NXPH1: variants seen among roughly 807,000 people sequenced by gnomAD.
NXPH1 encodes neurexophilin-1.
Under a neutral mutation model 23.7 loss-of-function variants are expected in NXPH1, and 5 were observed. The observed-to-expected ratio is 0.21, with a 90% CI of 0.11 to 0.44. The LOEUF (loss-of-function observed/expected upper bound fraction) is 0.44, where lower values mean the gene tolerates loss of function less well. NXPH1 is among the 20% of genes least tolerant of loss of function. The pLI is 0.99. For missense variants in NXPH1, 324 were observed against 321.6 expected, an observed-to-expected ratio of 1.01 and a Z score of -0.06; for synonymous variants, 144 against 122.2, an observed-to-expected ratio of 1.18 and a Z score of -1.18.
At chr7:8,465,613 G>A (rs762024171) in intron 2 of NXPH1, among the ~76,000 whole-genome samples, 1 of 152,182 alleles carries the variant, frequency 6.6e-6, no homozygotes, top group Non-Finnish European at 1.5e-5. Context: ...TTTCACGGTC[G>A]CTTTCCAGCT....
At chr7:8,550,981 A>G (rs1818267698) in intron 2 of NXPH1, among the ~76,000 whole-genome samples, 1 of 151,414 alleles carries the variant, frequency 6.6e-6, no homozygotes, top group Admixed American at 6.6e-5. Flanking sequence ...TATTTTTAGG[A>G]TAGTCTTTCT....
At chr7:8,607,244 G>T (rs1193384499) in intron 2 of NXPH1, among the ~76,000 whole-genome samples, 1 of 152,100 alleles carries the variant, frequency 6.6e-6, no homozygotes, top group African/African-American at 2.4e-5. Context: ...ATATATTATT[G>T]CTTAAATAGG....
chr7:8,747,972 T>C (rs1780499597), intron 2 of NXPH1, among the ~76,000 whole-genome samples: 1 of 152,226 alleles, frequency 6.6e-6, no homozygotes. Flanking sequence ...ACTCTGGAGC[T>C]GCTAAGGATA....
At chr7:8,521,641 A>G (rs1817773243) in intron 2 of NXPH1, among the ~76,000 whole-genome samples, 1 of 152,190 alleles carries the variant, frequency 6.6e-6, no homozygotes, top group Non-Finnish European at 1.5e-5. Flanking sequence ...TGAGAAATAC[A>G]CTTTTGAAGG....
chr7:8,593,348 TA>T (rs1291044500), intron 2 of NXPH1, among the ~76,000 whole-genome samples: 1 of 151,888 alleles, frequency 6.6e-6, no homozygotes, highest in Non-Finnish European at 1.5e-5. Context: ...TTTAGCTTTT[TA>T]AAGCAGGGCC....
At chr7:8,577,081 A>G (rs1224696651) in intron 2 of NXPH1, among the ~76,000 whole-genome samples, 1 of 152,150 alleles carries the variant, frequency 6.6e-6, no homozygotes, top group East Asian at 1.9e-4. Context: ...TAATAATATT[A>G]ATACTGTATT....
At chr7:8,522,797 C>T (rs1401513272) in intron 2 of NXPH1, among the ~76,000 whole-genome samples, 1 of 152,144 alleles carries the variant, frequency 6.6e-6, no homozygotes, top group Admixed American at 6.6e-5. Flanking sequence ...CTAGGTGCAC[C>T]CTGTCCTTCT....
chr7:8,648,134 C>T (rs1051582324), intron 2 of NXPH1, among the ~76,000 whole-genome samples: 1 of 148,020 alleles, frequency 6.8e-6, no homozygotes, highest in Non-Finnish European at 1.5e-5. Context: ...TATCCATCCC[C>T]TCAAGCATTT....
intron 2 of NXPH1, among the ~76,000 whole-genome samples, chr7:8,513,586 G>A (rs752910172): frequency 7.2e-5 from 11 of 152,194 alleles, no homozygotes; most frequent in East Asian, 1.9e-4. Flanking sequence ...CCCTAAGGGC[G>A]GCAGGTAAGG....
intron 2 of NXPH1, among the ~76,000 whole-genome samples, chr7:8,518,403 A>G (rs570206980): frequency 6.6e-6 from 1 of 152,260 alleles, no homozygotes; most frequent in South Asian, 2.1e-4. Flanking sequence ...TTATATACCT[A>G]ACACATAAAA....
At chr7:8,745,725 T>TG (rs1367140162) in intron 2 of NXPH1, among the ~76,000 whole-genome samples, 1 of 146,458 alleles carries the variant, frequency 6.8e-6, no homozygotes, top group Non-Finnish European at 1.5e-5. Context: ...GCTAATTTTT[T>TG]TTTTTTTTTT....
At chr7:8,714,043 G>A (rs1448023181) in intron 2 of NXPH1, among the ~76,000 whole-genome samples, 1 of 152,162 alleles carries the variant, frequency 6.6e-6, no homozygotes, top group Non-Finnish European at 1.5e-5. Context: ...ACAAGGCCCT[G>A]GGTGGGTTCA....
intron 2 of NXPH1, among the ~76,000 whole-genome samples, chr7:8,650,905 G>A (rs2115151972): frequency 6.6e-6 from 1 of 152,262 alleles, no homozygotes; most frequent in South Asian, 2.1e-4. Flanking sequence ...TGAATAAAAT[G>A]TTGAAAATAT....
chr7:8,644,918 G>A (rs766449287), intron 2 of NXPH1, among the ~76,000 whole-genome samples: 2 of 151,970 alleles, frequency 1.3e-5, no homozygotes, highest in East Asian at 1.9e-4. Context: ...TGCATATTTT[G>A]TACTTTATAT....
intron 2 of NXPH1, among the ~76,000 whole-genome samples, chr7:8,659,690 C>G (rs1273710339): frequency 1.3e-5 from 2 of 152,030 alleles, no homozygotes; most frequent in Non-Finnish European, 2.9e-5. Context: ...ATGTAACAAA[C>G]CTGCACGTTG....
intron 2 of NXPH1, among the ~76,000 whole-genome samples, chr7:8,747,394 C>G (rs965699895): frequency 6.6e-6 from 1 of 152,198 alleles, no homozygotes; most frequent in Non-Finnish European, 1.5e-5. Context: ...ATATTCACTA[C>G]TTCCACAAGT....
intron 2 of NXPH1, among the ~76,000 whole-genome samples, chr7:8,445,090 A>G (rs1456382895): frequency 6.6e-6 from 1 of 152,252 alleles, no homozygotes; most frequent in Non-Finnish European, 1.5e-5. Context: ...CGTAACTTAC[A>G]TCCAGTGGAG....
intron 2 of NXPH1, among the ~76,000 whole-genome samples, chr7:8,745,477 A>T (rs1780451406): frequency 6.6e-6 from 1 of 151,910 alleles, no homozygotes; most frequent in African/African-American, 2.4e-5. Flanking sequence ...TTTGTCTATG[A>T]ATGTAAAATT....
At chr7:8,733,431 T>A (rs1373226039) in intron 2 of NXPH1, among the ~76,000 whole-genome samples, 2 of 152,206 alleles carry the variant, frequency 1.3e-5, no homozygotes, top group Non-Finnish European at 2.9e-5. Flanking sequence ...GTATTTCTGG[T>A]TCTAGATCCT....
Sources: gnomAD v4.1 joint callset for allele counts (sites outside exome capture counted in the v4.1 genomes callset) on GRCh38, gnomAD v4.1.1 for gene constraint, MANE v1.5 for transcripts, NCBI Gene and HGNC (gene_info 2026-07-23, HGNC 2026-07-21) for gene names.